The following VPS13C variants were observed in gnomAD, a reference collection of about 807,000 sequenced individuals.
The protein encoded by VPS13C is vacuolar protein sorting 13 homolog C, also known as intermembrane lipid transfer protein VPS13C.
In VPS13C, 358 loss-of-function variants were observed where a neutral mutation model predicts 456.8. The ratio of observed to expected loss-of-function variants is 0.78; its 90% CI spans 0.72 to 0.86. The LOEUF (loss-of-function observed/expected upper bound fraction) is 0.86. Among genes scored for constraint, VPS13C ranks in the 40% least tolerant of loss-of-function variants. The pLI is 0.00. For missense variants in VPS13C, 4,818 were observed against 4,385.4 expected, an observed-to-expected ratio of 1.10 and a Z score of -2.79; for synonymous variants, 1,578 against 1,486.7, an observed-to-expected ratio of 1.06 and a Z score of -1.41.
At chr15:61,881,474 A>G in intron 71 of VPS13C, 89 bp downstream of exon 71, 1 of 1,334,168 alleles carries the variant, frequency 7.5e-7, no homozygotes, top group Non-Finnish European at 1.0e-6. Context: ...TTTTTACATG[A>G]AAGTCACTTT....
intron 16 of VPS13C, 32 bp from the exon 17 acceptor site, chr15:61,991,834 A>T (rs1035719516): frequency 1.2e-6 from 2 of 1,604,314 alleles, no homozygotes; most frequent in African/African-American, 2.7e-5. Flanking sequence ...ATTTACTTTA[A>T]GAATGTTGCC....
chr15:62,012,218 T>TCACACA, intron 11 of VPS13C, 54 bp from the exon 12 acceptor site: 3 of 759,354 alleles, frequency 4.0e-6, no homozygotes, highest in Non-Finnish European at 6.4e-6. Flanking sequence ...ATATTCAGAC[T>TCACACA]CAGACACACA....
At chr15:61,929,239 T>G (rs1234546922) in intron 51 of VPS13C, among the ~76,000 whole-genome samples, 2 of 152,174 alleles carry the variant, frequency 1.3e-5, no homozygotes, top group African/African-American at 2.4e-5. Context: ...CTGACCCAAA[T>G]TAACTTCATT....
intron 6 of VPS13C, among the ~76,000 whole-genome samples, chr15:62,027,703 CA>C (rs2047682169): frequency 1.3e-5 from 2 of 151,942 alleles, no homozygotes; most frequent in African/African-American, 2.4e-5. Context: ...TAAAGTTTAA[CA>C]AATAAGATTA....
chr15:61,886,948 C>G (rs866537509), intron 67 of VPS13C, among the ~76,000 whole-genome samples: 5 of 152,180 alleles, frequency 3.3e-5, no homozygotes, highest in East Asian at 1.9e-4. Flanking sequence ...AAAAAACTTA[C>G]AGCTAACATC....
chr15:62,049,535 G>T (rs12909093), intron 1 of VPS13C, among the ~76,000 whole-genome samples: 69,474 of 152,094 alleles, frequency 0.46, 17,419 homozygotes, highest in Admixed American at 0.58. Context: ...GTCAGGTAGC[G>T]TGATGTCTCC....
chr15:61,979,396 G>C (rs564373236), intron 22 of VPS13C, among the ~76,000 whole-genome samples: 1 of 151,930 alleles, frequency 6.6e-6, no homozygotes, highest in Admixed American at 6.6e-5. Context: ...TTTGAAAATG[G>C]CCCCCCCATA....
chr15:61,895,255 A>G (rs900511549), intron 66 of VPS13C, among the ~76,000 whole-genome samples: 1 of 152,148 alleles, frequency 6.6e-6, no homozygotes, highest in African/African-American at 2.4e-5. Context: ...CTATATCAAA[A>G]AAGTAGAAAG....
intron 5 of VPS13C, among the ~76,000 whole-genome samples, chr15:62,030,600 A>T (rs2047782660): frequency 6.6e-6 from 1 of 152,114 alleles, no homozygotes; most frequent in South Asian, 2.1e-4. Context: ...ACATCATGTG[A>T]CCTGCGCAGT....
intron 3 of VPS13C, 65 bp from the exon 4 acceptor site, chr15:62,035,117 C>G: frequency 8.1e-7 from 1 of 1,231,346 alleles, no homozygotes. Context: ...AAATTTCTCA[C>G]TTTCCATTAA....
At chr15:61,978,852 C>T in intron 22 of VPS13C, 103 bp from the exon 23 acceptor site, 1 of 1,156,286 alleles carries the variant, frequency 8.6e-7, no homozygotes, top group East Asian at 2.7e-5. Context: ...TAGTTAAAAC[C>T]TAACAAATTG....
At chr15:61,869,741 G>C in intron 79 of VPS13C, 118 bp from the exon 80 acceptor site, 1 of 1,502,872 alleles carries the variant, frequency 6.7e-7, no homozygotes, top group Non-Finnish European at 8.9e-7. Flanking sequence ...CAAAAATTTG[G>C]CTTTCTAAAG....
At chr15:61,980,256 G>A (rs1243629643) in intron 22 of VPS13C, among the ~76,000 whole-genome samples, 1 of 145,436 alleles carries the variant, frequency 6.9e-6, no homozygotes, top group African/African-American at 2.5e-5. Context: ...ACCATCTTAA[G>A]GACAAATCAC....
At chr15:61,979,394 T>C (rs1292539574) in intron 22 of VPS13C, among the ~76,000 whole-genome samples, 1 of 152,124 alleles carries the variant, frequency 6.6e-6, no homozygotes, top group Non-Finnish European at 1.5e-5. Flanking sequence ...AGTTTGAAAA[T>C]GGCCCCCCCA....
Position 61,936,571 on chromosome 15 carries a change from A to C in VPS13C, c.5755+26T>G, listed in dbSNP as rs35523559. On this transcript the variant is annotated intron_variant, in intron 48 of 84. Transcript: ENST00000644861. ...TGACATTAACACCAATTTTTTCTCC[A>C]TAAAGTAAATATCATCAATTTATAC... 110,605 of 1,504,116 alleles carry C rather than the reference A, an allele frequency of 0.074. 4,289 individuals carry two copies. Among genetic ancestry groups the C allele is most frequent in the Middle Eastern group, 0.083 (464 of 5,592 alleles). The allele number at this position is 1,504,116 out of a possible 1,614,324, so 93.2% of individuals were successfully genotyped here.
In VPS13C at chr15:61,964,749, T is replaced by G. The variant is rs192138453; in HGVS notation, c.3164A>C (p.Glu1055Ala). The G allele has an allele frequency of 6.3e-5, 101 of 1,611,640 alleles. No individual in the cohort carries two copies. The East Asian group carries it at 2.0e-3, about 32-fold the overall frequency. ...TTGTTTTTCAGTTGAAATTTGTACC[T>G]CCTTAGCAACACTTATGCTTTGATC... The part of the protein sequence containing the change: ...SDDQSISVAK[E>A]VQISTEKQQK... The change falls in exon 31 of 85, where the codon GAG (glutamate) becomes GCG (alanine). Residue 1055 changes from glutamate to alanine, a missense_variant. By Grantham distance (107) the Glu-to-Ala change is moderately radical. This residue lies in a region of VPS13C where 4,552 missense variants were observed against 4,130.6 expected (regional missense o/e 1.10). Transcript: ENST00000644861.
rs574366260 is a variant in VPS13C, at chr15:62,000,656, G to A, written c.1291-30C>T. On this transcript the variant is annotated intron_variant, in intron 15 of 84. Coordinates refer to ENST00000644861, the MANE Select transcript of VPS13C (RefSeq NM_020821.3). Reference sequence around the variant, plus strand: ...AAAAAACAGAGGCACTTATAAACAAGAAATTTAATCATTAGATAAAAGAAA... The same window carrying A: ...AAAAAACAGAGGCACTTATAAACAAAAAATTTAATCATTAGATAAAAGAAA... The A allele has an allele frequency of 5.1e-6, 8 of 1,565,872 alleles. No individual in the cohort carries two copies. In the East Asian group the frequency reaches 1.4e-4, roughly 27 times the overall value.
At chr15:61,859,979 A>T (rs187134267) in intron 82 of VPS13C, among the ~76,000 whole-genome samples, 1 of 152,158 alleles carries the variant, frequency 6.6e-6, no homozygotes, top group Non-Finnish European at 1.5e-5. Context: ...TTAAAAACTC[A>T]TAAGAAAAAA....
chr15:61,903,364 A>T (rs1596313015), intron 66 of VPS13C, among the ~76,000 whole-genome samples: 1 of 152,014 alleles, frequency 6.6e-6, no homozygotes, highest in South Asian at 2.1e-4. Context: ...GCATAGCTTT[A>T]TGCCAACAAC....
Sources: gnomAD v4.1 joint callset for allele counts (sites outside exome capture counted in the v4.1 genomes callset) on GRCh38, gnomAD v4.1.1 for gene constraint, gnomAD v4.1.1 regional missense constraint, MANE v1.5 for transcripts, NCBI Gene and HGNC (gene_info 2026-07-23, HGNC 2026-07-21) for gene names.